The following NKAIN2 variants were observed in gnomAD, a reference collection of about 807,000 sequenced individuals.
The protein encoded by NKAIN2 is sodium/potassium transporting ATPase interacting 2.
Under a neutral mutation model 32.6 loss-of-function variants are expected in NKAIN2, and 14 were observed. The ratio of observed to expected loss-of-function variants is 0.43; its 90% CI spans 0.28 to 0.67. The LOEUF (loss-of-function observed/expected upper bound fraction) is 0.67. Ranked by LOEUF, NKAIN2 falls within the 30% of genes least tolerant of loss-of-function variation. The pLI is 0.17. For missense variants in NKAIN2, 198 were observed against 258.3 expected, an observed-to-expected ratio of 0.77 and a Z score of 1.60; for synonymous variants, 80 against 87.2, an observed-to-expected ratio of 0.92 and a Z score of 0.46.
At chr6:124,625,213 T>C (rs1454040961) in intron 3 of NKAIN2, among the ~76,000 whole-genome samples, 1 of 152,188 alleles carries the variant, frequency 6.6e-6, no homozygotes, top group Non-Finnish European at 1.5e-5. Context: ...TGTGAAGTGA[T>C]AGTTGAGTAT....
chr6:124,278,650 C>CATACATATATAT (rs1795147862), intron 1 of NKAIN2, among the ~76,000 whole-genome samples: 1 of 68,986 alleles, frequency 1.4e-5, no homozygotes, highest in Non-Finnish European at 3.1e-5. Context: ...ATACATAGCT[C>CATACATATATAT]ATATATATAT....
intron 1 of NKAIN2, among the ~76,000 whole-genome samples, chr6:123,914,962 C>G (rs12530238): frequency 0.33 from 49,861 of 151,958 alleles, 9,070 homozygotes; most frequent in East Asian, 0.64. Context: ...ATTCCCAAGC[C>G]CACCTCACAT....
intron 3 of NKAIN2, among the ~76,000 whole-genome samples, chr6:124,639,244 T>C (rs1783894488): frequency 6.6e-6 from 1 of 152,212 alleles, no homozygotes; most frequent in South Asian, 2.1e-4. Flanking sequence ...AGGAAATTAG[T>C]ATATCAAAGA....
At chr6:124,191,715 A>C (rs1790030812) in intron 1 of NKAIN2, among the ~76,000 whole-genome samples, 1 of 152,202 alleles carries the variant, frequency 6.6e-6, no homozygotes, top group African/African-American at 2.4e-5. Flanking sequence ...GTATAAGGTT[A>C]GCCCTTGGTT....
intron 4 of NKAIN2, among the ~76,000 whole-genome samples, chr6:124,750,384 T>A (rs1293680590): frequency 5.9e-5 from 9 of 151,952 alleles, no homozygotes; most frequent in Admixed American, 2.0e-4. Context: ...TATACCCACC[T>A]GTGTCCTCTA....
chr6:124,578,304 C>G (rs1781403991), intron 3 of NKAIN2, among the ~76,000 whole-genome samples: 5 of 151,922 alleles, frequency 3.3e-5, no homozygotes. Flanking sequence ...GAAAGAATTT[C>G]TGGACCTGCT....
chr6:123,953,462 G>A (rs977849990), intron 1 of NKAIN2, among the ~76,000 whole-genome samples: 2 of 152,164 alleles, frequency 1.3e-5, no homozygotes, highest in Admixed American at 6.5e-5. Flanking sequence ...CAGTAATAAT[G>A]GTAGAAATAA....
chr6:124,651,964 C>T (rs1192593533), intron 3 of NKAIN2, among the ~76,000 whole-genome samples: 3 of 152,194 alleles, frequency 2.0e-5, no homozygotes, highest in Admixed American at 1.3e-4. Flanking sequence ...AAGGCTGAAA[C>T]TCCTTTAAAT....
At chr6:123,938,579 T>G (rs1776667790) in intron 1 of NKAIN2, among the ~76,000 whole-genome samples, 1 of 135,298 alleles carries the variant, frequency 7.4e-6, no homozygotes, top group Admixed American at 7.8e-5. Flanking sequence ...TTATATATAT[T>G]TATATAGTTT....
chr6:124,345,203 A>G (rs577922853), intron 2 of NKAIN2, among the ~76,000 whole-genome samples: 39 of 152,132 alleles, frequency 2.6e-4, no homozygotes, highest in African/African-American at 9.2e-4. Context: ...TTGGTGGACA[A>G]GCTTTTTGAT....
chr6:123,862,568 A>G (rs1445745546), intron 1 of NKAIN2, among the ~76,000 whole-genome samples: 2 of 152,186 alleles, frequency 1.3e-5, no homozygotes, highest in Non-Finnish European at 2.9e-5. Flanking sequence ...GGCCAACTAC[A>G]GTATGGTCTC....
At chr6:123,950,927 G>A (rs1399440839) in intron 1 of NKAIN2, among the ~76,000 whole-genome samples, 1 of 151,736 alleles carries the variant, frequency 6.6e-6, no homozygotes, top group Non-Finnish European at 1.5e-5. Context: ...AGTGTTTATT[G>A]TTATAAATTT....
intron 1 of NKAIN2, among the ~76,000 whole-genome samples, chr6:123,915,712 G>T (rs1775457698): frequency 6.6e-6 from 1 of 152,108 alleles, no homozygotes; most frequent in Non-Finnish European, 1.5e-5. Context: ...GTTCTTCAGG[G>T]CAGGATGTGA....
rs114977895 is a variant in NKAIN2 at position 124,244,571 on chromosome 6, T to C, written c.55-38434T>C. On this transcript the variant is annotated intron_variant, in intron 1 of 6. Coordinates refer to ENST00000368417, the MANE Select transcript of NKAIN2 (RefSeq NM_001040214.3). ...TTTGTATTTAAAAGTTCAGCCGAGA[T>C]GATATACCTAAATAATAGACATTAC... Among the ~76,000 whole-genome samples the C allele has an allele frequency of 5.9e-3, 896 of 152,102 alleles. 7 individuals carry two copies. The highest frequency in any genetic ancestry group is 0.021 in the African/African-American group (868 of 41,520).
intron 1 of NKAIN2, among the ~76,000 whole-genome samples, chr6:123,907,401 T>C (rs1774936709): frequency 6.6e-6 from 1 of 152,166 alleles, no homozygotes. Flanking sequence ...ATCATAAAAC[T>C]AGAATCCCTT....
At chr6:124,325,401 C>A (rs1369799058) in intron 2 of NKAIN2, among the ~76,000 whole-genome samples, 2 of 151,848 alleles carry the variant, frequency 1.3e-5, no homozygotes, top group Non-Finnish European at 2.9e-5. Context: ...GGTATTTACC[C>A]AAGAGATGTT....
At chr6:124,285,206 GGCTGGAGATGAT>G (rs1795480308) in intron 2 of NKAIN2, among the ~76,000 whole-genome samples, 2 of 152,208 alleles carry the variant, frequency 1.3e-5, no homozygotes, top group Admixed American at 1.3e-4. Flanking sequence ...ATCTTTTGCC[GGCTGGAGATGAT>G]GTAAATGATA....
At chr6:124,768,874 C>T (rs1778628646) in intron 4 of NKAIN2, among the ~76,000 whole-genome samples, 1 of 152,164 alleles carries the variant, frequency 6.6e-6, no homozygotes, top group Admixed American at 6.5e-5. Flanking sequence ...TTGATGCAAA[C>T]ACCATTTAAA....
chr6:124,629,275 C>A (rs564151369), intron 3 of NKAIN2, among the ~76,000 whole-genome samples: 7 of 152,118 alleles, frequency 4.6e-5, no homozygotes, highest in Non-Finnish European at 8.8e-5. Flanking sequence ...CCAGGACAGT[C>A]CTTCTTCCAC....
Sources: allele counts gnomAD v4.1 joint callset (sites outside exome capture counted in the v4.1 genomes callset), GRCh38; gene constraint gnomAD v4.1.1; transcripts MANE v1.5; gene names NCBI Gene and HGNC (gene_info 2026-07-23, HGNC 2026-07-21).